Variants in DMTF1 observed in about 807,000 individuals in gnomAD.
The protein encoded by DMTF1 is cyclin D binding myb like transcription factor 1.
Under a neutral mutation model 91.1 loss-of-function variants are expected in DMTF1, and 39 were observed. That is an observed-to-expected ratio of 0.43 (90% CI 0.33 to 0.56). DMTF1 has a LOEUF of 0.56. Ranked by LOEUF, DMTF1 falls within the 20% of genes least tolerant of loss-of-function variation. The probability of loss-of-function intolerance (pLI) is 0.05; values close to 1 mark genes in which losing one functional copy is unlikely to be tolerated. For missense variants in DMTF1, 750 were observed against 914.5 expected, an observed-to-expected ratio of 0.82 and a Z score of 2.32; for synonymous variants, 338 against 309.5, an observed-to-expected ratio of 1.09 and a Z score of -0.97.
intron 1 of DMTF1, chr7:87,152,782 A>AG: frequency 6.5e-6 from 1 of 154,534 alleles, no homozygotes; most frequent in South Asian, 2.0e-4. Flanking sequence ...CCCGTGGCTC[A>AG]GGCTGCAGAG....
intron 2 of DMTF1, 35 bp downstream of exon 2, chr7:87,163,652 T>C (rs1793071203): frequency 6.6e-6 from 1 of 152,202 alleles, no homozygotes; most frequent in Admixed American, 6.5e-5. Flanking sequence ...TCTCACATGA[T>C]TTGCAAATTT....
intron 13 of DMTF1, among the ~76,000 whole-genome samples, chr7:87,188,517 C>T (rs1798985312): frequency 6.6e-6 from 1 of 152,086 alleles, no homozygotes; most frequent in African/African-American, 2.4e-5. Flanking sequence ...CCATTATAAA[C>T]CATTTGAAAC....
Position 87,165,027 on chromosome 7 carries a change from T to C in DMTF1, c.86T>C (p.Leu29Pro). 6.2e-7 allele frequency: 1 copy of C among 1,609,790 alleles called. No homozygotes were observed. Among genetic ancestry groups the C allele is most frequent in the Non-Finnish European group, 8.5e-7 (1 of 1,177,390 alleles). Residue 29 changes from leucine (L) to proline (P), a missense_variant, in exon 3 of 18, where the codon CTC (leucine) becomes CCC (proline). Physicochemically the swap from Leu to Pro is moderately conservative, Grantham distance 98. Around this residue, in one of 3 missense-constraint regions of DMTF1, gnomAD observed 150 missense variants for 150.4 expected, o/e 1.00. Coordinates refer to ENST00000331242, the MANE Select transcript of DMTF1 (RefSeq NM_001142327.2). ...VTLTQDTEGNLILHCPQNEAD... is the reference protein window; with the variant it reads ...VTLTQDTEGNPILHCPQNEAD... ...TTGACTCAGGACACAGAAGGGAATC[T>C]CATTCTTCACTGCCCTCAGAATGGT... is the stretch of plus-strand genomic sequence containing the variant.
intron 17 of DMTF1, 36 bp from the exon 18 acceptor site, chr7:87,194,995 T>C: frequency 6.5e-7 from 1 of 1,542,448 alleles, no homozygotes; most frequent in East Asian, 2.2e-5. Context: ...AGAGAATAAA[T>C]ATATACATTT....
rs758507049 is a variant in DMTF1 at position 87,196,131 on chromosome 7, C to T, written c.*991C>T. 6.5e-6 allele frequency: 1 copy of T among 152,926 alleles called. No individual in the cohort carries two copies. The highest frequency in any genetic ancestry group is 1.5e-5 in the Non-Finnish European group (1 of 68,476). 9.5% of individuals were successfully genotyped at this position (152,926 alleles called of 1,614,324 possible). A position where few individuals can be genotyped will look rare whatever the true frequency, so the allele number is the denominator to read the frequency against. ...CTTTTGGGCTTTTTAATGAATATGA[C>T]CCCTATAGAAAAGTCAAGAAAAAAA... On this transcript the variant is annotated 3_prime_UTR_variant, in exon 18 of 18. Coordinates refer to ENST00000331242, the MANE Select transcript of DMTF1 (RefSeq NM_001142327.2).
chr7:87,194,925 G>A (rs557416338), intron 17 of DMTF1, 97 bp downstream of exon 17: 2 of 1,451,382 alleles, frequency 1.4e-6, no homozygotes, highest in East Asian at 2.3e-5. Flanking sequence ...GATCCAATAA[G>A]CTACTAGTCC....
At chr7:87,160,487 C>A (rs1215254544) in intron 1 of DMTF1, among the ~76,000 whole-genome samples, 1 of 151,782 alleles carries the variant, frequency 6.6e-6, no homozygotes, top group Non-Finnish European at 1.5e-5. Flanking sequence ...GTTGGCCAGG[C>A]GGGTTTCGAA....
intron 1 of DMTF1, among the ~76,000 whole-genome samples, chr7:87,159,526 A>G (rs1359012026): frequency 6.6e-6 from 1 of 152,222 alleles, no homozygotes; most frequent in African/African-American, 2.4e-5. Context: ...GTGCTAAGGT[A>G]TTGTGCTATT....
chr7:87,195,953 A>ATAGTT lies in DMTF1; in HGVS notation c.*815_*819dup, dbSNP rs1424233082. On this transcript the variant is annotated 3_prime_UTR_variant, in exon 18 of 18. Transcript: ENST00000331242. ...TTTTGCTATATAAATTACCGAGAGA[A>ATAGTT]TAGTTTGTCATCCACTTAGTGTGTT... 6.6e-6 allele frequency: 1 copy of ATAGTT among 152,512 alleles called. No homozygotes were observed. The highest frequency in any genetic ancestry group is 6.6e-5 in the Admixed American group (1 of 15,260). 9.4% of individuals were successfully genotyped at this position (152,512 alleles called of 1,614,324 possible).
chr7:87,193,721 A>G lies in DMTF1; in HGVS notation c.1651-4A>G. ...ACTTTAACAGGTTCTTTAATGTTTT[A>G]TAGCCAGAACATTTGTTGAACACAA... On this transcript the variant is annotated splice_region_variant and splice_polypyrimidine_tract_variant and intron_variant, in intron 15 of 17. Coordinates refer to ENST00000331242, the MANE Select transcript of DMTF1 (RefSeq NM_001142327.2). 6.3e-7 allele frequency: 1 copy of G among 1,586,210 alleles called. No individual in the cohort carries two copies. The highest frequency in any genetic ancestry group is 8.6e-7 in the Non-Finnish European group (1 of 1,167,124).
chr7:87,185,992 C>A lies in DMTF1; in HGVS notation c.1201+12C>A, dbSNP rs368910430. ...TGTTTCGTTCCCTGGTAATGTATTA[C>A]TTACTTTTTAAGCTCCTCCCCTTTT... On this transcript the variant is annotated intron_variant, in intron 12 of 17. Coordinates refer to ENST00000331242, the MANE Select transcript of DMTF1 (RefSeq NM_001142327.2). The A allele has an allele frequency of 1.0e-4, 165 of 1,613,424 alleles. 1 individual carries two copies. In the South Asian group the frequency reaches 1.2e-3, roughly 11 times the overall value.
intron 9 of DMTF1, chr7:87,181,955 C>T: frequency 1.5e-6 from 2 of 1,330,092 alleles, no homozygotes; most frequent in Non-Finnish European, 2.0e-6. Context: ...TGTCAGTAAC[C>T]TGAGGGGAAA....
chr7:87,189,372 T>A (rs1369794551), intron 13 of DMTF1, among the ~76,000 whole-genome samples: 2 of 152,118 alleles, frequency 1.3e-5, no homozygotes, highest in African/African-American at 2.4e-5. Context: ...AATGAAGGAT[T>A]TCTTTTCGTT....
intron 7 of DMTF1, among the ~76,000 whole-genome samples, chr7:87,177,177 C>A (rs142449500): frequency 6.6e-6 from 1 of 152,080 alleles, no homozygotes; most frequent in Non-Finnish European, 1.5e-5. Context: ...TAAATAGATT[C>A]ATTCTCTGGA....
intron 1 of DMTF1, among the ~76,000 whole-genome samples, chr7:87,158,046 T>A (rs902480099): frequency 6.6e-6 from 1 of 152,080 alleles, no homozygotes; most frequent in African/African-American, 2.4e-5. Context: ...CATGCATAAA[T>A]AACAATCTAA....
chr7:87,171,510 A>G (rs768328803), intron 5 of DMTF1, among the ~76,000 whole-genome samples: 3 of 152,198 alleles, frequency 2.0e-5, no homozygotes, highest in Non-Finnish European at 2.9e-5. Context: ...TAGTTAATGT[A>G]CTGTGTCTCC....
In DMTF1 at chr7:87,173,557, A is replaced by G; in HGVS notation, c.350A>G (p.Asp117Gly). ...QIQILQNEQL[D>G]EISPLGNEEV... ...AAGATTTTGCAGAATGAGCAACTAGATGAAATATCTCCCTTGGGTAACGAG... is the reference window on the plus strand; with the variant it reads ...AAGATTTTGCAGAATGAGCAACTAGGTGAAATATCTCCCTTGGGTAACGAG... The change falls in exon 6 of 18, where the codon GAT (aspartate) becomes GGT (glycine). Residue 117 changes from aspartate (D) to glycine (G), a missense_variant. Transcript: ENST00000331242. 1.2e-6 allele frequency: 2 copies of G among 1,607,358 alleles called. No individual in the cohort carries two copies. Among genetic ancestry groups the G allele is most frequent in the South Asian group, 1.1e-5 (1 of 90,210 alleles).
chr7:87,161,348 A>C (rs1236999406), intron 1 of DMTF1, among the ~76,000 whole-genome samples: 2 of 152,110 alleles, frequency 1.3e-5, no homozygotes, highest in African/African-American at 4.8e-5. Context: ...AAAAATACCA[A>C]AAAATTAGCT....
chr7:87,167,744 T>C (rs115114717), intron 4 of DMTF1, among the ~76,000 whole-genome samples: 1,644 of 152,328 alleles, frequency 0.011, 29 homozygotes, highest in African/African-American at 0.037. Context: ...TAATTAAATA[T>C]TCGTTCCTCC....
Sources: allele counts gnomAD v4.1 joint callset (sites outside exome capture counted in the v4.1 genomes callset), GRCh38; gene constraint gnomAD v4.1.1; regional missense constraint gnomAD v4.1.1; transcripts MANE v1.5; gene names NCBI Gene and HGNC (gene_info 2026-07-23, HGNC 2026-07-21).